The following SLC6A2 variants were observed in gnomAD, a reference collection of about 807,000 sequenced individuals.
SLC6A2 encodes the protein solute carrier family 6 member 2, also known as sodium-dependent noradrenaline transporter.
SLC6A2 carries 26 observed loss-of-function variants against 71.7 expected under a neutral mutation model. The ratio of observed to expected loss-of-function variants is 0.36; its 90% CI spans 0.27 to 0.50. The LOEUF (loss-of-function observed/expected upper bound fraction) is 0.50. SLC6A2 is among the 20% of genes least tolerant of loss of function. The pLI, the probability that SLC6A2 is intolerant of heterozygous loss-of-function variation, is 0.96. For synonymous variants in SLC6A2, 363 were observed against 337.9 expected (o/e 1.07, Z -0.82); for missense variants, 581 against 803.9 (o/e 0.72, Z 3.35).
Position 55,695,357 on chromosome 16 carries a change from A to G in SLC6A2, c.1102A>G (p.Met368Val). ...GFAIFSILGY[M>V]AHEHKVNIED... ...CGCCATCTTCTCCATCCTTGGTTAC[A>G]TGGCCCATGAACACAAGGTCAACAT... Residue 368 changes from methionine (M) to valine (V), a missense_variant, in exon 8 of 15, where the codon ATG (methionine) becomes GTG (valine). By Grantham distance (21) the Met-to-Val change is conservative. Transcript: ENST00000568943. 1.2e-6 allele frequency: 2 copies of G among 1,614,220 alleles called. No homozygotes were observed. The highest frequency in any genetic ancestry group is 2.2e-5 in the South Asian group (2 of 91,084).
Position 55,704,255 on chromosome 16 carries a change from G to A in SLC6A2, c.*1909G>A, listed in dbSNP as rs1458385999. On this transcript the variant is annotated 3_prime_UTR_variant, in exon 15 of 15. Coordinates refer to ENST00000568943, the MANE Select transcript of SLC6A2 (RefSeq NM_001172501.3). Reference sequence around the variant, plus strand: ...GCCCAGTGAGGACTGCAGGGCTATAGCTTCTATCTCCCCATTTCCCAGGTG... The same window carrying A: ...GCCCAGTGAGGACTGCAGGGCTATAACTTCTATCTCCCCATTTCCCAGGTG... 1 of 152,166 alleles carries A rather than the reference G, an allele frequency of 6.6e-6. No homozygotes were observed. Among genetic ancestry groups the A allele is most frequent in the Non-Finnish European group, 1.5e-5 (1 of 68,042 alleles). The allele number at this position is 152,166 out of a possible 1,614,324, so 9.4% of individuals were successfully genotyped here. A position where few individuals can be genotyped will look rare whatever the true frequency, so the allele number is the denominator to read the frequency against.
Position 55,656,860 on chromosome 16 carries a change from CG to C in SLC6A2, c.169del (p.Glu57ArgfsTer13). On this transcript the variant is annotated frameshift_variant, in exon 2 of 15. Transcript: ENST00000568943. LOFTEE classifies it high-confidence loss of function. The surrounding 1 kb of genome is among the most constrained non-coding windows in gnomAD (Gnocchi z 4.5). ...LAPRDGDAQP[R>X]ETWGKKIDFL... The stretch of plus-strand genomic sequence containing the variant: ...GCCCCGCGACGGCGACGCGCAGCCC[CG>C]GGAGACCTGGGGCAAGAAGATCGAC... 7 of 1,613,872 alleles carry C rather than the reference CG, an allele frequency of 4.3e-6. No homozygotes were observed. The highest frequency in any genetic ancestry group is 5.9e-6 in the Non-Finnish European group (7 of 1,179,890).
chr16:55,657,818 T>C (rs966474795), intron 2 of SLC6A2, among the ~76,000 whole-genome samples: 1 of 152,006 alleles, frequency 6.6e-6, no homozygotes, highest in Non-Finnish European at 1.5e-5. Context: ...CTACAGCCAA[T>C]CCAGGAAGAA....
intron 2 of SLC6A2, among the ~76,000 whole-genome samples, chr16:55,664,839 C>A (rs1964704131): frequency 6.6e-6 from 1 of 152,148 alleles, no homozygotes; most frequent in South Asian, 2.1e-4. Context: ...ACAACTCTGC[C>A]CCCTTTCCAT....
chr16:55,689,630 G>A (rs1487224861), intron 5 of SLC6A2, among the ~76,000 whole-genome samples: 1 of 152,240 alleles, frequency 6.6e-6, no homozygotes, highest in Non-Finnish European at 1.5e-5. Flanking sequence ...TCAAGGAGAT[G>A]TGAGAGCTCC....
chr16:55,662,584 C>A (rs569083093), intron 2 of SLC6A2, among the ~76,000 whole-genome samples: 1 of 152,272 alleles, frequency 6.6e-6, no homozygotes, highest in African/African-American at 2.4e-5. Context: ...TGATGTGTTT[C>A]TCTTAAAGAG....
At chr16:55,697,067 A>G (rs914516634) in intron 9 of SLC6A2, among the ~76,000 whole-genome samples, 1 of 152,214 alleles carries the variant, frequency 6.6e-6, no homozygotes. Flanking sequence ...TCCAAATGTA[A>G]GATTGGATTT....
intron 5 of SLC6A2, among the ~76,000 whole-genome samples, chr16:55,689,473 C>T (rs1389322439): frequency 1.4e-4 from 22 of 152,200 alleles, no homozygotes; most frequent in African/African-American, 4.3e-4. Flanking sequence ...CCTCCAGGCC[C>T]CATGGGAGAT....
chr16:55,673,697 G>A (rs1320798505), intron 4 of SLC6A2, among the ~76,000 whole-genome samples: 2 of 152,112 alleles, frequency 1.3e-5, no homozygotes, highest in African/African-American at 4.8e-5. Context: ...GAGTAGCCGG[G>A]ATTACAAGTG....
rs72297759 is a variant in SLC6A2 at position 55,702,747 on chromosome 16, C to CAA, written c.*414_*415dup. 183,993 of 808,222 alleles carry CAA rather than the reference C, an allele frequency of 0.23. 426 individuals carry two copies. Among genetic ancestry groups the CAA allele is most frequent in the East Asian group, 0.27 (2,305 of 8,576 alleles). The allele number at this position is 808,222 out of a possible 1,614,324, so 50.1% of individuals were successfully genotyped here. A position where few individuals can be genotyped will look rare whatever the true frequency, so the allele number is the denominator to read the frequency against. On this transcript the variant is annotated 3_prime_UTR_variant, in exon 15 of 15. Transcript: ENST00000568943. ...TGGGCTTTTGATCAGATACCCCTCC[C>CAA]AAAAAAAAAAAAAACTAAAACTAAA...
At chr16:55,669,415 T>C (rs1208171927) in intron 2 of SLC6A2, 150 bp from the exon 3 acceptor site, 3 of 723,258 alleles carry the variant, frequency 4.1e-6, no homozygotes, top group Non-Finnish European at 7.4e-6. Flanking sequence ...ATTCTTACTC[T>C]TATGATAATT....
rs1236119462 is a variant in SLC6A2 at position 55,704,133 on chromosome 16, A to G, written c.*1787A>G. On this transcript the variant is annotated 3_prime_UTR_variant, in exon 15 of 15. Coordinates refer to ENST00000568943, the MANE Select transcript of SLC6A2 (RefSeq NM_001172501.3). The stretch of plus-strand genomic sequence containing the variant: ...CTCCCATAAAAGGTAACTTCTTCCT[A>G]GGTGTTACCATTTTTCTTTTCGTTT... 1.3e-5 allele frequency: 2 copies of G among 152,096 alleles called. No individual in the cohort carries two copies. The highest frequency in any genetic ancestry group is 2.9e-5 in the Non-Finnish European group (2 of 68,070). The allele number at this position is 152,096 out of a possible 1,614,324, so 9.4% of individuals were successfully genotyped here.
At chr16:55,696,390 C>CT in intron 9 of SLC6A2, 53 bp downstream of exon 9, 2 of 1,059,412 alleles carry the variant, frequency 1.9e-6, no homozygotes, top group South Asian at 2.5e-5. Flanking sequence ...GCCTGACCCC[C>CT]TTCCCCAACA....
At chr16:55,701,974 G>C (rs752036801) in intron 14 of SLC6A2, 40 bp downstream of exon 14, 36 of 1,488,148 alleles carry the variant, frequency 2.4e-5, no homozygotes, top group Non-Finnish European at 3.1e-5. Flanking sequence ...GATTACAAGG[G>C]CGGGCCCTGG....
chr16:55,692,501 C>T (rs1965666491), intron 6 of SLC6A2, among the ~76,000 whole-genome samples: 1 of 152,214 alleles, frequency 6.6e-6, no homozygotes, highest in Non-Finnish European at 1.5e-5. Context: ...GCCCTGCCAA[C>T]TCTCTTCCCC....
chr16:55,698,500 C>G lies in SLC6A2; in HGVS notation c.1421C>G (p.Thr474Ser), dbSNP rs745590713. ...ATTTACGTCTTGACCCTCCTGGACA[C>G]CTTTGCTGCGGGCACCTCCATCCTT... ...GGIYVLTLLDTFAAGTSILFA... is the reference protein window; with the variant it reads ...GGIYVLTLLDSFAAGTSILFA... Residue 474 changes from threonine (T) to serine (S), a missense_variant, in exon 11 of 15, where the codon ACC becomes AGC. Physicochemically the swap from Thr to Ser is moderately conservative, Grantham distance 58. Transcript: ENST00000568943. The G allele has an allele frequency of 2.5e-6, 4 of 1,614,010 alleles. No individual in the cohort carries two copies. In the South Asian group the frequency reaches 3.3e-5, roughly 13 times the overall value.
chr16:55,701,883 G>C lies in SLC6A2; in HGVS notation c.1779G>C (p.Thr593=). 1 of 1,613,990 alleles carries C rather than the reference G, an allele frequency of 6.2e-7. No homozygotes were observed. Among genetic ancestry groups the C allele is most frequent in the Non-Finnish European group, 8.5e-7 (1 of 1,179,852 alleles). ...SLWERLAYGI[T]PENEHHLVAQ... ...TTCAGAGACTGGCCTATGGCATCACGCCAGAGAACGAGCACCACCTGGTGG... is the reference window on the plus strand; with the variant it reads ...TTCAGAGACTGGCCTATGGCATCACCCCAGAGAACGAGCACCACCTGGTGG... Residue 593 remains threonine, a synonymous_variant, in exon 14 of 15, where the codon ACG becomes ACC. Transcript: ENST00000568943.
chr16:55,666,878 G>C (rs887876131), intron 2 of SLC6A2, among the ~76,000 whole-genome samples: 11 of 152,200 alleles, frequency 7.2e-5, no homozygotes, highest in African/African-American at 2.7e-4. Context: ...CCACAGTGGC[G>C]AGGTCGGAGC....
chr16:55,661,130 G>A lies in SLC6A2; in HGVS notation c.274+4162G>A, dbSNP rs552892233. Among the ~76,000 whole-genome samples, 19 of 152,318 alleles carry A rather than the reference G, an allele frequency of 1.2e-4. No homozygotes were observed. In the South Asian group the frequency reaches 3.9e-3, roughly 32 times the overall value. On this transcript the variant is annotated intron_variant, in intron 2 of 14. Coordinates refer to ENST00000568943, the MANE Select transcript of SLC6A2 (RefSeq NM_001172501.3). ...GATTCTAGAGTTTCCCTTTGCACCT[G>A]TGATCCTGGTCTGTGCTGATCCCTG... is the stretch of plus-strand genomic sequence containing the variant.
Sources: gnomAD v4.1 joint callset for allele counts (sites outside exome capture counted in the v4.1 genomes callset) on GRCh38, gnomAD v4.1.1 for gene constraint, Gnocchi (gnomAD v3.1) non-coding constraint, MANE v1.5 for transcripts, NCBI Gene and HGNC (gene_info 2026-07-23, HGNC 2026-07-21) for gene names.